EVL: variants seen among roughly 807,000 people sequenced by gnomAD.
The protein encoded by EVL is ena/VASP-like protein.
EVL carries 21 observed loss-of-function variants against 59.6 expected under a neutral mutation model. The observed-to-expected ratio is 0.35, with a 90% CI of 0.25 to 0.51. The LOEUF is 0.51. Ranked by LOEUF, EVL falls within the 20% of genes least tolerant of loss-of-function variation. EVL has a pLI of 0.97. For missense variants in EVL, 462 were observed against 546.6 expected (o/e 0.85, Z 1.54); for synonymous variants, 198 against 203.5 (o/e 0.97, Z 0.23).
At chr14:100,080,635 C>T (rs1446337974) in intron 1 of EVL, among the ~76,000 whole-genome samples, 2 of 152,178 alleles carry the variant, frequency 1.3e-5, no homozygotes, top group Non-Finnish European at 2.9e-5. Flanking sequence ...AATACATGTA[C>T]GAAGGCCCAA....
chr14:100,112,310 C>T (rs1215650690), intron 3 of EVL, among the ~76,000 whole-genome samples: 1 of 152,226 alleles, frequency 6.6e-6, no homozygotes, highest in Non-Finnish European at 1.5e-5. Flanking sequence ...ATCCAGGTGT[C>T]CATGCAGCAG....
chr14:100,141,561 G>A (rs780778399), intron 12 of EVL, among the ~76,000 whole-genome samples, 175 bp from the exon 13 acceptor site: 1 of 152,222 alleles, frequency 6.6e-6, no homozygotes, highest in Admixed American at 6.5e-5. Flanking sequence ...GATTTTCCCA[G>A]GCCTCCCATG....
intron 1 of EVL, among the ~76,000 whole-genome samples, chr14:99,988,611 T>C (rs879815194): frequency 1.3e-5 from 2 of 152,174 alleles, no homozygotes; most frequent in African/African-American, 2.4e-5. Flanking sequence ...TTAGAACATA[T>C]GTCTACACAG....
intron 1 of EVL, among the ~76,000 whole-genome samples, chr14:100,022,574 C>T (rs2061144616): frequency 6.6e-6 from 1 of 152,204 alleles, no homozygotes; most frequent in Non-Finnish European, 1.5e-5. Context: ...GCCACCACAC[C>T]TGGCTGGCCA....
At chr14:99,981,115 G>C (rs1041909986) in intron 1 of EVL, among the ~76,000 whole-genome samples, 1 of 151,788 alleles carries the variant, frequency 6.6e-6, no homozygotes, top group South Asian at 2.1e-4. Context: ...TAGGCTTTTG[G>C]CTAGCACTTC....
rs547238689 is a variant in EVL, at chr14:100,122,279, G to A, written c.359-1260G>A. Among the ~76,000 whole-genome samples the A allele has an allele frequency of 9.8e-5, 15 of 152,302 alleles. No individual in the cohort carries two copies. In the East Asian group the frequency reaches 2.5e-3, roughly 25 times the overall value. On this transcript the variant is annotated intron_variant, in intron 3 of 13. Transcript: ENST00000392920. ...CTGATTGAGTTTAAGAAAGAACGTGGCATTTGCAGTTGGTTTGCATCTGCC... is the reference window on the plus strand; with the variant it reads ...CTGATTGAGTTTAAGAAAGAACGTGACATTTGCAGTTGGTTTGCATCTGCC...
intron 1 of EVL, among the ~76,000 whole-genome samples, chr14:100,058,265 T>G (rs2061765959): frequency 6.6e-6 from 1 of 152,240 alleles, no homozygotes; most frequent in Non-Finnish European, 1.5e-5. Flanking sequence ...TTAATTCAAG[T>G]CAACACAGTT....
At chr14:100,047,858 C>T (rs1348716596) in intron 1 of EVL, among the ~76,000 whole-genome samples, 1 of 152,108 alleles carries the variant, frequency 6.6e-6, no homozygotes, top group Non-Finnish European at 1.5e-5. Context: ...GTAAAAAGTC[C>T]GTTCAGTGAG....
At chr14:100,092,353 A>G (rs2062583259) in intron 2 of EVL, among the ~76,000 whole-genome samples, 1 of 152,240 alleles carries the variant, frequency 6.6e-6, no homozygotes, top group Non-Finnish European at 1.5e-5. Context: ...AGTTGTATTC[A>G]TATCAGCCAA....
intron 1 of EVL, among the ~76,000 whole-genome samples, chr14:99,988,611 T>A (rs879815194): frequency 6.6e-6 from 1 of 152,174 alleles, no homozygotes; most frequent in African/African-American, 2.4e-5. Context: ...TTAGAACATA[T>A]GTCTACACAG....
chr14:100,046,854 G>A (rs1177072767), intron 1 of EVL, among the ~76,000 whole-genome samples: 5 of 148,924 alleles, frequency 3.4e-5, no homozygotes, highest in Non-Finnish European at 7.4e-5. Flanking sequence ...CTGGGTTCAC[G>A]CCATTCTCCT....
At chr14:100,083,490 G>A (rs2062359718) in intron 1 of EVL, among the ~76,000 whole-genome samples, 1 of 151,830 alleles carries the variant, frequency 6.6e-6, no homozygotes, top group Non-Finnish European at 1.5e-5. Flanking sequence ...TTTAAATTTG[G>A]GAATTCTAAT....
rs74085136 is a variant in EVL, at chr14:100,129,726, A to G, written c.839+42A>G. The G allele has an allele frequency of 8.5e-3, 12,861 of 1,504,910 alleles. 668 individuals carry two copies. The East Asian group carries it at 0.17, about 19-fold the overall frequency. 93.2% of individuals were successfully genotyped at this position (1,504,910 alleles called of 1,614,324 possible). A position where few individuals can be genotyped will look rare whatever the true frequency, so the allele number is the denominator to read the frequency against. On this transcript the variant is annotated intron_variant, in intron 7 of 13. Coordinates refer to ENST00000392920, the MANE Select transcript of EVL (RefSeq NM_016337.3). ...CCCGAGACTTGGTGTGCCTAGCAGG[A>G]AGCTCCTGCCCCCGCCCCCAGCGCT...
chr14:100,143,665 A>C, intron 13 of EVL, 36 bp from the exon 14 acceptor site: 1 of 1,566,100 alleles, frequency 6.4e-7, no homozygotes, highest in South Asian at 1.2e-5. Flanking sequence ...TGCACTGGTC[A>C]TGGCTGCACC....
chr14:100,058,932 G>T (rs761716637), intron 1 of EVL, among the ~76,000 whole-genome samples: 1 of 152,200 alleles, frequency 6.6e-6, no homozygotes, highest in Non-Finnish European at 1.5e-5. Flanking sequence ...TAGTGAAACT[G>T]ATAAAAGACA....
At chr14:100,002,674 G>T (rs1419864294) in intron 1 of EVL, among the ~76,000 whole-genome samples, 1 of 152,130 alleles carries the variant, frequency 6.6e-6, no homozygotes, top group Non-Finnish European at 1.5e-5. Flanking sequence ...GTCAGAAAAA[G>T]ACATAATTTA....
At chr14:100,064,600 C>A (rs1010021464), upstream of EVL, among the ~76,000 whole-genome samples, 4 of 152,158 alleles carry the variant, frequency 2.6e-5, no homozygotes, top group African/African-American at 7.2e-5. Context: ...AAATTTTGTT[C>A]CAGAGTCAAA....
At chr14:100,036,279 A>G (rs1241757063) in intron 1 of EVL, among the ~76,000 whole-genome samples, 1 of 152,126 alleles carries the variant, frequency 6.6e-6, no homozygotes, top group African/African-American at 2.4e-5. Context: ...CTTCCTTGAA[A>G]CTGGTCCCTA....
chr14:100,114,150 G>C lies in EVL; in HGVS notation c.359-9389G>C, dbSNP rs11848339. 3.1e-3 allele frequency among the ~76,000 whole-genome samples: 427 copies of C among 136,476 alleles called. 3 individuals are homozygous for C. The highest frequency in any genetic ancestry group is 0.011 in the African/African-American group (424 of 39,204). The allele number at this position is 136,476 out of a possible 152,430, so 89.5% of individuals were successfully genotyped here. A position where few individuals can be genotyped will look rare whatever the true frequency, so the allele number is the denominator to read the frequency against. On this transcript the variant is annotated intron_variant, in intron 3 of 13. Coordinates refer to ENST00000392920, the MANE Select transcript of EVL (RefSeq NM_016337.3). This position sits in a 1 kb window ranked among gnomAD's most constrained non-coding sequence, Gnocchi z 5.0. The stretch of plus-strand genomic sequence containing the variant: ...GGCAGCATTTCATGGAGTCCAGCAA[G>C]GAGCGAAGCGAAGGAGGGCCGGGGG...
Sources: allele counts gnomAD v4.1 joint callset (sites outside exome capture counted in the v4.1 genomes callset), GRCh38; gene constraint gnomAD v4.1.1; non-coding constraint Gnocchi (gnomAD v3.1); transcripts MANE v1.5; gene names NCBI Gene and HGNC (gene_info 2026-07-23, HGNC 2026-07-21).